The following CHCHD3 variants were observed in gnomAD, a reference collection of about 807,000 sequenced individuals.
CHCHD3 encodes MICOS complex subunit MIC19.
A neutral mutation model predicts 38.2 loss-of-function variants in CHCHD3; 20 were observed. The ratio of observed to expected loss-of-function variants is 0.52; its 90% CI spans 0.37 to 0.76. The LOEUF is 0.76. Ranked by LOEUF, CHCHD3 falls within the 30% of genes least tolerant of loss-of-function variation. The pLI is 0.00. For missense variants in CHCHD3, 245 were observed against 279.2 expected (o/e 0.88, Z 0.87); for synonymous variants, 82 against 100.0 (o/e 0.82, Z 1.07).
At chr7:132,999,071 T>C (rs915286910) in intron 3 of CHCHD3, among the ~76,000 whole-genome samples, 1 of 152,112 alleles carries the variant, frequency 6.6e-6, no homozygotes, top group African/African-American at 2.4e-5. Context: ...CAGTGCACCA[T>C]GATCACCACT....
chr7:133,019,970 A>G (rs1238535115), intron 3 of CHCHD3, among the ~76,000 whole-genome samples: 1 of 151,922 alleles, frequency 6.6e-6, no homozygotes, highest in Non-Finnish European at 1.5e-5. Flanking sequence ...ATCCAAACAC[A>G]CCATTGAGTA....
chr7:133,013,055 G>A (rs544917221), intron 3 of CHCHD3, among the ~76,000 whole-genome samples: 49 of 151,580 alleles, frequency 3.2e-4, no homozygotes, highest in African/African-American at 1.1e-3. Flanking sequence ...ATGTGGTGTC[G>A]GGTGCCTGTA....
At chr7:132,835,707 C>A (rs1205433666) in intron 6 of CHCHD3, among the ~76,000 whole-genome samples, 1 of 152,120 alleles carries the variant, frequency 6.6e-6, no homozygotes, top group African/African-American at 2.4e-5. Context: ...TCTTTTGCCC[C>A]CTTTATCTAA....
intron 4 of CHCHD3, among the ~76,000 whole-genome samples, chr7:132,918,555 C>G (rs1168582411): frequency 6.6e-6 from 1 of 152,170 alleles, no homozygotes; most frequent in Non-Finnish European, 1.5e-5. Context: ...TGAGTATCAG[C>G]CCTTTTCCTC....
At position 132,867,767 on chromosome 7, in the gene CHCHD3, T is replaced by C. The variant is rs151204658; in HGVS notation, c.453+17895A>G. On this transcript the variant is annotated intron_variant, in intron 5 of 7. Coordinates refer to ENST00000262570, the MANE Select transcript of CHCHD3 (RefSeq NM_017812.4). ...GACTTATACCAATACCCTGTTATGC[T>C]ATGTGGATAAACTTCAAAAGAAAAA... is the stretch of plus-strand genomic sequence containing the variant. 3.3e-3 allele frequency among the ~76,000 whole-genome samples: 497 copies of C among 152,310 alleles called. 5 individuals carry two copies. The highest frequency in any genetic ancestry group is 4.9e-3 in the Non-Finnish European group (335 of 68,012).
At chr7:132,931,868 G>A (rs920127578) in intron 4 of CHCHD3, among the ~76,000 whole-genome samples, 3 of 151,962 alleles carry the variant, frequency 2.0e-5, no homozygotes, top group African/African-American at 7.3e-5. Flanking sequence ...CATTACTTCT[G>A]AAAAGAAGAA....
At chr7:132,838,506 C>G (rs1206727671) in intron 5 of CHCHD3, 37 bp from the exon 6 acceptor site, 1 of 1,434,982 alleles carries the variant, frequency 7.0e-7, no homozygotes, top group Admixed American at 1.8e-5. Flanking sequence ...TTTCACTATC[C>G]AAGATGACAA....
At chr7:132,912,059 C>G (rs1050274706) in intron 4 of CHCHD3, among the ~76,000 whole-genome samples, 5 of 152,168 alleles carry the variant, frequency 3.3e-5, no homozygotes, top group Admixed American at 3.3e-4. Context: ...TAATTCTTCA[C>G]CCTCTGTAAG....
At chr7:132,904,775 T>C (rs532026267) in intron 4 of CHCHD3, among the ~76,000 whole-genome samples, 1 of 152,268 alleles carries the variant, frequency 6.6e-6, no homozygotes, top group Admixed American at 6.5e-5. Context: ...CATCCTACTA[T>C]AAAGACACAT....
At chr7:132,993,851 T>A (rs1336006027) in intron 3 of CHCHD3, among the ~76,000 whole-genome samples, 1 of 152,200 alleles carries the variant, frequency 6.6e-6, no homozygotes, top group Non-Finnish European at 1.5e-5. Context: ...ATGGCTCACA[T>A]CTGTCGTCAG....
Position 133,034,850 on chromosome 7 carries a change from G to C in CHCHD3, c.170-10223C>G, listed in dbSNP as rs549692154. 8.7e-6 allele frequency: 14 copies of C among 1,610,152 alleles called. No homozygotes were observed. The Admixed American group carries it at 1.8e-4, about 21-fold the overall frequency. ...TGGTTCCAAAAAGGATGACACTGGC[G>C]AAGGCATTCTTCCTCAGCTTGTCCA... On this transcript the variant is annotated intron_variant, in intron 2 of 7. Coordinates refer to ENST00000262570, the MANE Select transcript of CHCHD3 (RefSeq NM_017812.4).
intron 4 of CHCHD3, among the ~76,000 whole-genome samples, chr7:132,904,850 A>G (rs187487810): frequency 1.1e-4 from 16 of 152,330 alleles, no homozygotes; most frequent in African/African-American, 3.8e-4. Context: ...CCAAATGTCC[A>G]TCAATGATAG....
chr7:132,853,391 T>A (rs1456908640), intron 5 of CHCHD3, among the ~76,000 whole-genome samples: 1 of 152,088 alleles, frequency 6.6e-6, no homozygotes, highest in East Asian at 1.9e-4. Context: ...AGGGCCAAGG[T>A]GGGCAGATCA....
At chr7:132,964,246 T>G (rs889994751) in intron 4 of CHCHD3, among the ~76,000 whole-genome samples, 1 of 152,142 alleles carries the variant, frequency 6.6e-6, no homozygotes, top group Admixed American at 6.5e-5. Context: ...AATAATTGAA[T>G]CATCTCTTAC....
chr7:132,838,422 A>G lies in CHCHD3; in HGVS notation c.501T>C (p.Ala167=). The change falls in exon 6 of 8, where the codon GCT becomes GCC. Residue 167 remains alanine (A), a synonymous_variant. Transcript: ENST00000262570. ...ACTTGAACTTTGCTTCCACCTCTTC[A>G]GCAGCTTTCTGATATTGTTCAGTGG... ...RVTTEQYQKA[A]EEVEAKFKRY... The G allele has an allele frequency of 6.2e-7, 1 of 1,612,358 alleles. No individual in the cohort carries two copies. Among genetic ancestry groups the G allele is most frequent in the Non-Finnish European group, 8.5e-7 (1 of 1,178,836 alleles).
At chr7:133,063,869 T>C (rs1014718206) in intron 2 of CHCHD3, among the ~76,000 whole-genome samples, 2 of 152,108 alleles carry the variant, frequency 1.3e-5, no homozygotes, top group Non-Finnish European at 2.9e-5. Context: ...GAAACCTTTA[T>C]CTGAATTAAT....
chr7:133,021,037 T>C (rs898779734), intron 3 of CHCHD3, among the ~76,000 whole-genome samples: 9 of 152,136 alleles, frequency 5.9e-5, no homozygotes, highest in African/African-American at 9.7e-5. Context: ...CTGGCCTCCA[T>C]CCACTAGATG....
intron 6 of CHCHD3, among the ~76,000 whole-genome samples, chr7:132,837,516 A>T (rs778159253): frequency 2.0e-5 from 3 of 152,208 alleles, no homozygotes; most frequent in Non-Finnish European, 4.4e-5. Flanking sequence ...TTTTTAAAAA[A>T]TTTTATTTTA....
intron 4 of CHCHD3, among the ~76,000 whole-genome samples, chr7:132,934,857 G>C (rs1810598956): frequency 6.6e-6 from 1 of 152,154 alleles, no homozygotes; most frequent in Non-Finnish European, 1.5e-5. Flanking sequence ...AGACTATTCT[G>C]CATCTTCTCA....
Sources: allele counts gnomAD v4.1 joint callset (sites outside exome capture counted in the v4.1 genomes callset), GRCh38; gene constraint gnomAD v4.1.1; transcripts MANE v1.5; gene names NCBI Gene and HGNC (gene_info 2026-07-23, HGNC 2026-07-21).